The following CADPS2 variants were observed in gnomAD, a reference collection of about 807,000 sequenced individuals.
The protein encoded by CADPS2 is calcium-dependent secretion activator 2.
In CADPS2, 93 loss-of-function variants were observed where a neutral mutation model predicts 172.5. The observed-to-expected ratio is 0.54, with a 90% CI of 0.46 to 0.64. The LOEUF is 0.64. Ranked by LOEUF, CADPS2 falls within the 30% of genes least tolerant of loss-of-function variation. The pLI is 0.00. For synonymous variants in CADPS2, 546 were observed against 555.2 expected (o/e 0.98, Z 0.23); for missense variants, 1,420 against 1,565.9 (o/e 0.91, Z 1.57).
intron 8 of CADPS2, among the ~76,000 whole-genome samples, chr7:122,539,300 G>A (rs1317684098): frequency 1.3e-5 from 2 of 152,018 alleles, no homozygotes; most frequent in African/African-American, 2.4e-5. Context: ...CCCATGTGAC[G>A]CCTTTCACCA....
chr7:122,724,920 T>C (rs906433538), intron 2 of CADPS2, among the ~76,000 whole-genome samples: 2 of 152,000 alleles, frequency 1.3e-5, no homozygotes, highest in Non-Finnish European at 2.9e-5. Context: ...TCCATACGAT[T>C]ACAGAGAAAA....
chr7:122,674,802 A>G (rs1162476724), intron 2 of CADPS2, among the ~76,000 whole-genome samples: 1 of 152,226 alleles, frequency 6.6e-6, no homozygotes, highest in Non-Finnish European at 1.5e-5. Flanking sequence ...AAACGCTGAG[A>G]AAAGTACAAG....
At chr7:122,388,300 G>A (rs920023149) in intron 23 of CADPS2, among the ~76,000 whole-genome samples, 11 of 151,912 alleles carry the variant, frequency 7.2e-5, no homozygotes, top group African/African-American at 2.4e-4. Flanking sequence ...TTAAAGCATA[G>A]TATTCCCAGA....
At chr7:122,373,186 T>C (rs983390277) in intron 25 of CADPS2, among the ~76,000 whole-genome samples, 6 of 152,160 alleles carry the variant, frequency 3.9e-5, no homozygotes, top group Non-Finnish European at 1.5e-5. Flanking sequence ...GCTATTTTTT[T>C]TTTAATATCC....
chr7:122,803,479 GAC>G (rs1172026310), intron 1 of CADPS2, among the ~76,000 whole-genome samples: 3 of 152,064 alleles, frequency 2.0e-5, no homozygotes, highest in Non-Finnish European at 4.4e-5. Flanking sequence ...CTGCCTCTGT[GAC>G]ACAGAGCTTG....
At chr7:122,566,241 G>T (rs2066455328) in intron 7 of CADPS2, among the ~76,000 whole-genome samples, 1 of 152,054 alleles carries the variant, frequency 6.6e-6, no homozygotes, top group African/African-American at 2.4e-5. Context: ...AGATAAGAAT[G>T]GCTATTATCA....
chr7:122,872,732 A>C (rs2141534037), intron 1 of CADPS2, among the ~76,000 whole-genome samples: 1 of 152,238 alleles, frequency 6.6e-6, no homozygotes, highest in Middle Eastern at 3.4e-3. Context: ...AATATGTTAA[A>C]CTAGTAAGAA....
intron 28 of CADPS2, among the ~76,000 whole-genome samples, chr7:122,329,371 C>T (rs1230065393): frequency 2.0e-5 from 3 of 152,204 alleles, no homozygotes; most frequent in South Asian, 2.1e-4. Context: ...CTGAGCCGGG[C>T]GGGATCCACG....
intron 22 of CADPS2, among the ~76,000 whole-genome samples, chr7:122,392,970 A>G (rs1032261626): frequency 6.6e-6 from 1 of 152,172 alleles, no homozygotes; most frequent in Non-Finnish European, 1.5e-5. Context: ...CACAGATTAT[A>G]TATGAACTAC....
chr7:122,712,571 T>C (rs2088921170), intron 2 of CADPS2, among the ~76,000 whole-genome samples: 1 of 152,112 alleles, frequency 6.6e-6, no homozygotes, highest in Non-Finnish European at 1.5e-5. Context: ...CATGGTTATA[T>C]TTTTTCCAAG....
At chr7:122,768,734 T>G (rs1473076750) in intron 1 of CADPS2, among the ~76,000 whole-genome samples, 4 of 152,194 alleles carry the variant, frequency 2.6e-5, no homozygotes, top group South Asian at 2.1e-4. Flanking sequence ...AGCCATATGT[T>G]TAGGTTTATA....
chr7:122,871,679 A>G (rs1819793304), intron 1 of CADPS2, among the ~76,000 whole-genome samples: 1 of 152,100 alleles, frequency 6.6e-6, no homozygotes, highest in African/African-American at 2.4e-5. Flanking sequence ...CACCAATGTT[A>G]AGGGTAATCT....
chr7:122,548,142 A>C (rs2063815331), intron 8 of CADPS2, among the ~76,000 whole-genome samples: 1 of 152,032 alleles, frequency 6.6e-6, no homozygotes, highest in Non-Finnish European at 1.5e-5. Flanking sequence ...CTGAGGAAGG[A>C]GGATCACCTG....
At chr7:122,457,446 A>G (rs2053920395) in intron 14 of CADPS2, among the ~76,000 whole-genome samples, 1 of 152,236 alleles carries the variant, frequency 6.6e-6, no homozygotes, top group African/African-American at 2.4e-5. Flanking sequence ...AGATGAATTA[A>G]TGGCTGTCAA....
intron 6 of CADPS2, among the ~76,000 whole-genome samples, chr7:122,588,864 C>T (rs2070244016): frequency 6.6e-6 from 1 of 151,830 alleles, no homozygotes; most frequent in African/African-American, 2.4e-5. Context: ...TATGATGAAT[C>T]AAGAGGAAAT....
chr7:122,610,793 G>T (rs1034452118), intron 6 of CADPS2, among the ~76,000 whole-genome samples: 19 of 152,056 alleles, frequency 1.2e-4, no homozygotes, highest in Non-Finnish European at 1.3e-4. Context: ...TAGTAGAGTA[G>T]AATTAATAAA....
At chr7:122,713,151 C>T (rs1266343261) in intron 2 of CADPS2, among the ~76,000 whole-genome samples, 1 of 152,102 alleles carries the variant, frequency 6.6e-6, no homozygotes, top group Non-Finnish European at 1.5e-5. Flanking sequence ...TTCCTTCATT[C>T]AGATCTGATG....
intron 25 of CADPS2, among the ~76,000 whole-genome samples, chr7:122,369,284 C>T: frequency 6.6e-6 from 1 of 151,900 alleles, no homozygotes; most frequent in Non-Finnish European, 1.5e-5. Flanking sequence ...GTGCCCGCCA[C>T]CATGCCCGGC....
intron 28 of CADPS2, 63 bp downstream of exon 28, chr7:122,345,511 T>C (rs140351965): frequency 2.0e-6 from 2 of 985,144 alleles, no homozygotes; most frequent in African/African-American, 1.6e-5. Flanking sequence ...ACCATCAAAA[T>C]TCAACTTTTC....
Sources: allele counts gnomAD v4.1 joint callset (sites outside exome capture counted in the v4.1 genomes callset), GRCh38; gene constraint gnomAD v4.1.1; transcripts MANE v1.5; gene names NCBI Gene and HGNC (gene_info 2026-07-23, HGNC 2026-07-21).